Variants in SLIT2 observed in about 807,000 individuals in gnomAD.
SLIT2 encodes the protein slit guidance ligand 2.
Under a neutral mutation model 185.7 loss-of-function variants are expected in SLIT2, and 41 were observed. The observed-to-expected ratio is 0.22, with a 90% confidence interval of 0.17 to 0.29. The LOEUF (loss-of-function observed/expected upper bound fraction) is 0.29. Ranked by LOEUF, SLIT2 falls within the 10% of genes least tolerant of loss-of-function variation. The pLI, the probability that SLIT2 is intolerant of heterozygous loss-of-function variation, is 1.00. For synonymous variants in SLIT2, 693 were observed against 680.2 expected (o/e 1.02, Z -0.29); for missense variants, 1,571 against 1,909.0 (o/e 0.82, Z 3.30).
Position 20,471,071 on chromosome 4 carries a change from C to T in SLIT2, c.467+3248C>T, listed in dbSNP as rs536531190. ...AAAAGAACAATTTATTCCCACTATT[C>T]TCATTGCCTTCCATGTAACAATGTG... On this transcript the variant is annotated intron_variant, in intron 5 of 36. Transcript: ENST00000504154. Among the ~76,000 whole-genome samples, 6 of 152,222 alleles carry T rather than the reference C, an allele frequency of 3.9e-5. No homozygotes were observed. In the East Asian group the frequency reaches 1.2e-3, roughly 29 times the overall value.
At chr4:20,299,579 A>T (rs1716850027) in intron 4 of SLIT2, among the ~76,000 whole-genome samples, 1 of 151,198 alleles carries the variant, frequency 6.6e-6, no homozygotes, top group Admixed American at 6.6e-5. Context: ...AATATAGCTG[A>T]GCAGATTTTT....
intron 24 of SLIT2, among the ~76,000 whole-genome samples, chr4:20,549,918 T>A (rs1723590746): frequency 6.6e-6 from 1 of 152,070 alleles, no homozygotes; most frequent in African/African-American, 2.4e-5. Flanking sequence ...TACAGTACTC[T>A]AATGAACATC....
intron 9 of SLIT2, among the ~76,000 whole-genome samples, chr4:20,497,280 CA>C (rs920869059): frequency 2.0e-5 from 3 of 151,090 alleles, no homozygotes; most frequent in Non-Finnish European, 4.4e-5. Context: ...AAAACAGGCT[CA>C]AAAAACTTAG....
chr4:20,539,611 A>T, intron 19 of SLIT2, 27 bp downstream of exon 19: 3 of 1,480,772 alleles, frequency 2.0e-6, no homozygotes, highest in Non-Finnish European at 2.8e-6. Flanking sequence ...GCCCTTATGT[A>T]TTACTTGAGC....
intron 4 of SLIT2, among the ~76,000 whole-genome samples, chr4:20,453,643 A>C (rs1222989418): frequency 6.6e-6 from 1 of 152,220 alleles, no homozygotes; most frequent in African/African-American, 2.4e-5. Flanking sequence ...TAACACTAAT[A>C]AATGACACAA....
In SLIT2 at chr4:20,596,636, AGAC is replaced by A; in HGVS notation, c.3545_3547del (p.Thr1182del). 6.2e-7 allele frequency: 1 copy of A among 1,613,266 alleles called. No homozygotes were observed. The highest frequency in any genetic ancestry group is 8.5e-7 in the Non-Finnish European group (1 of 1,179,822). On this transcript the variant is annotated inframe_deletion, in exon 32 of 37. Coordinates refer to ENST00000504154, the MANE Select transcript of SLIT2 (RefSeq NM_004787.4). ...ATTCCTTCAGCCAAGGTTCGGCCTC[AGAC>A]GAACATAACACTTCAGGTAAGAGAT...
At chr4:20,345,366 G>A (rs1300922984) in intron 4 of SLIT2, among the ~76,000 whole-genome samples, 2 of 152,038 alleles carry the variant, frequency 1.3e-5, no homozygotes, top group Non-Finnish European at 2.9e-5. Flanking sequence ...AGGAACTTTT[G>A]CCAAGGTTGG....
At chr4:20,437,712 AC>A (rs1324968045) in intron 4 of SLIT2, among the ~76,000 whole-genome samples, 10 of 152,128 alleles carry the variant, frequency 6.6e-5, no homozygotes, top group African/African-American at 2.4e-4. Context: ...GGAGATCGAG[AC>A]TATCCTGGCT....
intron 20 of SLIT2, 53 bp downstream of exon 20, chr4:20,541,672 G>T: frequency 6.9e-7 from 1 of 1,452,046 alleles, no homozygotes; most frequent in South Asian, 1.2e-5. Flanking sequence ...TGCCTGTTCT[G>T]ATGCAGCTTT....
At position 20,528,861 on chromosome 4, in the gene SLIT2, T is replaced by C. The variant is rs1315831033; in HGVS notation, c.1463-88T>C. 9.5e-7 allele frequency: 1 copy of C among 1,052,532 alleles called. No individual in the cohort carries two copies. The highest frequency in any genetic ancestry group is 1.4e-6 in the Non-Finnish European group (1 of 724,396). The allele number at this position is 1,052,532 out of a possible 1,614,324, so 65.2% of individuals were successfully genotyped here. On this transcript the variant is annotated intron_variant, in intron 15 of 36. Coordinates refer to ENST00000504154, the MANE Select transcript of SLIT2 (RefSeq NM_004787.4). This position sits in a 1 kb window ranked among gnomAD's most constrained non-coding sequence, Gnocchi z 4.2. ...AGTTGTCTCCCTGCTACATAATCTA[T>C]AGTTATCTTACTTTTTTCTTCCTAC...
intron 22 of SLIT2, 102 bp from the exon 23 acceptor site, chr4:20,548,386 A>C: frequency 1.6e-6 from 1 of 642,674 alleles, no homozygotes; most frequent in South Asian, 1.9e-5. Flanking sequence ...CTGAATGCTA[A>C]CAATACTGCT....
At chr4:20,471,008 G>T (rs1714942185) in intron 5 of SLIT2, among the ~76,000 whole-genome samples, 1 of 152,058 alleles carries the variant, frequency 6.6e-6, no homozygotes, top group African/African-American at 2.4e-5. Flanking sequence ...GAAGAAAAGG[G>T]GCTTCAGAAA....
intron 31 of SLIT2, 141 bp downstream of exon 31, chr4:20,595,975 T>G: frequency 1.4e-6 from 1 of 705,410 alleles, no homozygotes; most frequent in South Asian, 2.4e-5. Context: ...GGATAAATAC[T>G]TGAGGGGATG....
chr4:20,471,134 T>C (rs1382265232), intron 5 of SLIT2, among the ~76,000 whole-genome samples: 1 of 152,174 alleles, frequency 6.6e-6, no homozygotes, highest in Non-Finnish European at 1.5e-5. Flanking sequence ...TCACAATGAA[T>C]GTATAGGTTT....
intron 4 of SLIT2, among the ~76,000 whole-genome samples, chr4:20,278,328 T>TA: frequency 1.3e-5 from 2 of 152,248 alleles, no homozygotes; most frequent in Middle Eastern, 3.4e-3. Context: ...GGAATGTTGT[T>TA]AAAATCTCTC....
At chr4:20,482,162 G>A (rs1340431163) in intron 6 of SLIT2, among the ~76,000 whole-genome samples, 1 of 151,866 alleles carries the variant, frequency 6.6e-6, no homozygotes, top group Non-Finnish European at 1.5e-5. Context: ...ATTCATAGAT[G>A]AGGAGACTAC....
chr4:20,296,835 T>G (rs1716533097), intron 4 of SLIT2, among the ~76,000 whole-genome samples: 1 of 152,348 alleles, frequency 6.6e-6, no homozygotes, highest in East Asian at 1.9e-4. Context: ...TGAAACCATC[T>G]AAAAGTGAAT....
At chr4:20,608,448 C>A (rs1036549897) in intron 33 of SLIT2, among the ~76,000 whole-genome samples, 1 of 152,022 alleles carries the variant, frequency 6.6e-6, no homozygotes, top group Non-Finnish European at 1.5e-5. Flanking sequence ...ATTTTCTGGT[C>A]TATTTTTTCC....
intron 5 of SLIT2, among the ~76,000 whole-genome samples, chr4:20,472,385 T>TATCTATATATATA (rs1560453709): frequency 0.13 from 5,226 of 39,010 alleles, 704 homozygotes; most frequent in Middle Eastern, 0.28. Flanking sequence ...TCTATATATA[T>TATCTATATATATA]GTAGATATAT....
Sources: allele counts gnomAD v4.1 joint callset (sites outside exome capture counted in the v4.1 genomes callset), GRCh38; gene constraint gnomAD v4.1.1; non-coding constraint Gnocchi (gnomAD v3.1); transcripts MANE v1.5; gene names NCBI Gene and HGNC (gene_info 2026-07-23, HGNC 2026-07-21).